The following PCDHGA10 variants were observed in gnomAD, a reference collection of about 807,000 sequenced individuals.
PCDHGA10 encodes the protein protocadherin gamma-A10.
Under a neutral mutation model 59.5 loss-of-function variants are expected in PCDHGA10, and 42 were observed. The ratio of observed to expected loss-of-function variants is 0.71; its 90% CI spans 0.55 to 0.91. PCDHGA10 has a LOEUF of 0.91. PCDHGA10 is among the 40% of genes least tolerant of loss of function. The pLI is 0.00. For synonymous variants in PCDHGA10, 511 were observed against 517.2 expected, an observed-to-expected ratio of 0.99 and a Z score of 0.16; for missense variants, 1,111 against 1,198.2, an observed-to-expected ratio of 0.93 and a Z score of 1.07.
Position 141,432,436 on chromosome 5 carries a change from G to A in PCDHGA10, c.2436+16825G>A, listed in dbSNP as rs753833603. On this transcript the variant is annotated intron_variant, in intron 1 of 3. Coordinates refer to ENST00000398610, the MANE Select transcript of PCDHGA10 (RefSeq NM_018913.3). The surrounding 1 kb of genome is among the most constrained non-coding windows in gnomAD (Gnocchi z 6.0). ...TCGTGCTGGACCAGAACGACAATGC[G>A]CCCGAGATCCTGTACCCCGCCCTCC... The A allele has an allele frequency of 4.3e-6, 7 of 1,614,196 alleles. No homozygotes were observed. The highest frequency in any genetic ancestry group is 1.1e-5 in the South Asian group (1 of 91,084).
chr5:141,420,525 C>T (rs895355117), intron 1 of PCDHGA10: 2 of 358,086 alleles, frequency 5.6e-6, no homozygotes, highest in South Asian at 2.1e-4. Flanking sequence ...AAATACCTTT[C>T]GGTTAAAAAT....
intron 1 of PCDHGA10, among the ~76,000 whole-genome samples, chr5:141,469,392 T>C (rs2099199760): frequency 6.6e-6 from 1 of 152,046 alleles, no homozygotes; most frequent in South Asian, 2.1e-4. Flanking sequence ...CTGGCCAACA[T>C]GGTGAAACCC....
chr5:141,442,818 C>A (rs553817796), intron 1 of PCDHGA10, among the ~76,000 whole-genome samples: 1 of 151,882 alleles, frequency 6.6e-6, no homozygotes, highest in Non-Finnish European at 1.5e-5. Context: ...TGTACTGATC[C>A]AAAAATAAGG....
Position 141,413,135 on chromosome 5 carries a change from T to TGTCC in PCDHGA10, c.-40_-37dup, listed in dbSNP as rs767378713. 6.5e-7 allele frequency: 1 copy of TGTCC among 1,545,632 alleles called. No individual in the cohort carries two copies. Among genetic ancestry groups the TGTCC allele is most frequent in the Non-Finnish European group, 8.7e-7 (1 of 1,146,334 alleles). On this transcript the variant is annotated 5_prime_UTR_variant, in exon 1 of 4. Coordinates refer to ENST00000398610, the MANE Select transcript of PCDHGA10 (RefSeq NM_018913.3). The stretch of plus-strand genomic sequence containing the variant: ...AAGGAACCGGTTGAAACACACAACG[T>TGTCC]GTCCAGTGAGGACTTTGCAGAATTC...
At chr5:141,448,654 A>G (rs966383140) in intron 1 of PCDHGA10, among the ~76,000 whole-genome samples, 1 of 152,048 alleles carries the variant, frequency 6.6e-6, no homozygotes, top group African/African-American at 2.4e-5. Context: ...AAATATTTCC[A>G]TATTGGCCGG....
chr5:141,460,075 C>T (rs2098981644), intron 1 of PCDHGA10, among the ~76,000 whole-genome samples: 2 of 151,896 alleles, frequency 1.3e-5, no homozygotes, highest in East Asian at 1.9e-4. Context: ...GAGACTTCAT[C>T]TAAAAAATAA....
At chr5:141,418,369 C>G (rs763319499) in intron 1 of PCDHGA10, 62 of 1,613,842 alleles carry the variant, frequency 3.8e-5, no homozygotes, top group Non-Finnish European at 4.8e-5. Context: ...TGAGCAAATA[C>G]CAACTAAGTC....
At chr5:141,419,747 C>T (rs1322393151) in intron 1 of PCDHGA10, 3 of 1,613,840 alleles carry the variant, frequency 1.9e-6, no homozygotes, top group Admixed American at 1.7e-5. Context: ...GCGCATGGTG[C>T]GTGCTTTGGG....
At position 141,423,686 on chromosome 5, in the gene PCDHGA10, A is replaced by T. The variant is rs752078243; in HGVS notation, c.2436+8075A>T. 10 of 1,328,296 alleles carry T rather than the reference A, an allele frequency of 7.5e-6. No homozygotes were observed. The East Asian group carries it at 3.6e-4, about 47-fold the overall frequency. The allele number at this position is 1,328,296 out of a possible 1,614,324, so 82.3% of individuals were successfully genotyped here. The stretch of plus-strand genomic sequence containing the variant: ...GTGAGATTTATTTCTCTGCCTCCTA[A>T]TTGTTGGTGTCTTGGCACAAGTCTT... On this transcript the variant is annotated intron_variant, in intron 1 of 3. Transcript: ENST00000398610.
Position 141,477,902 on chromosome 5 carries a change from T to A in PCDHGA10, c.2437-16905T>A. ...CCACCTAGTGTCACGGGTGGTAGGC[T>A]GGGACGCGGATGCAGGGCACAATGC... On this transcript the variant is annotated intron_variant, in intron 1 of 3. Transcript: ENST00000398610. The surrounding 1 kb of genome is among the most constrained non-coding windows in gnomAD (Gnocchi z 4.9). The A allele has an allele frequency of 6.2e-7, 1 of 1,614,176 alleles. No homozygotes were observed. Among genetic ancestry groups the A allele is most frequent in the Non-Finnish European group, 8.5e-7 (1 of 1,180,028 alleles).
At chr5:141,500,370 G>C (rs766183384) in intron 2 of PCDHGA10, among the ~76,000 whole-genome samples, 1 of 151,644 alleles carries the variant, frequency 6.6e-6, no homozygotes, top group Non-Finnish European at 1.5e-5. Flanking sequence ...TACCACGCCC[G>C]GCTAATTATT....
In PCDHGA10 at chr5:141,490,453, T is replaced by C; in HGVS notation, c.2437-4354T>C. 6.2e-7 allele frequency: 1 copy of C among 1,614,178 alleles called. No homozygotes were observed. Among genetic ancestry groups the C allele is most frequent in the Non-Finnish European group, 8.5e-7 (1 of 1,180,042 alleles). ...GATTAAGCCTTCTGAGAACCACTAC[T>C]CGCTGCTAACCAGCCAGCCTTTGGA... On this transcript the variant is annotated intron_variant, in intron 1 of 3. Coordinates refer to ENST00000398610, the MANE Select transcript of PCDHGA10 (RefSeq NM_018913.3). This position sits in a 1 kb window ranked among gnomAD's most constrained non-coding sequence, Gnocchi z 5.4.
Position 141,489,699 on chromosome 5 carries a change from A to G in PCDHGA10, c.2437-5108A>G. ...CAGCAGCATCTGGGGCACGATTCCC[A>G]CTGGACAGTGCCCAGGATCCGGATG... is the stretch of plus-strand genomic sequence containing the variant. On this transcript the variant is annotated intron_variant, in intron 1 of 3. Transcript: ENST00000398610. The surrounding 1 kb of genome is among the most constrained non-coding windows in gnomAD (Gnocchi z 4.5). The G allele has an allele frequency of 6.2e-7, 1 of 1,614,102 alleles. No homozygotes were observed. The highest frequency in any genetic ancestry group is 8.5e-7 in the Non-Finnish European group (1 of 1,179,956).
At chr5:141,451,060 C>T (rs1241509553) in intron 1 of PCDHGA10, among the ~76,000 whole-genome samples, 1 of 151,562 alleles carries the variant, frequency 6.6e-6, no homozygotes, top group African/African-American at 2.4e-5. Context: ...GAACTCCTGA[C>T]CTTGTGATCC....
rs1367772661 is a variant in PCDHGA10, at chr5:141,512,193, GGAAGCTC to G, written c.*1026_*1032del. 2.0e-5 allele frequency: 3 copies of G among 152,756 alleles called. No homozygotes were observed. Among genetic ancestry groups the G allele is most frequent in the Non-Finnish European group, 4.4e-5 (3 of 68,136 alleles). 9.5% of individuals were successfully genotyped at this position (152,756 alleles called of 1,614,324 possible). ...GGATTAAACTGGCATTTCAGTCCAAGGAAGCTCGAAGCAGGTTTAGGACCAGGTCCCC... is the reference window on the plus strand; with the variant it reads ...GGATTAAACTGGCATTTCAGTCCAAGGAAGCAGGTTTAGGACCAGGTCCCC... On this transcript the variant is annotated 3_prime_UTR_variant, in exon 4 of 4. Coordinates refer to ENST00000398610, the MANE Select transcript of PCDHGA10 (RefSeq NM_018913.3).
At chr5:141,460,908 T>C (rs550367008) in intron 1 of PCDHGA10, among the ~76,000 whole-genome samples, 2,136 of 133,318 alleles carry the variant, frequency 0.016, 43 homozygotes, top group African/African-American at 0.062. Flanking sequence ...TAATATTCCA[T>C]GGTGTATATA....
At chr5:141,418,530 G>T in intron 1 of PCDHGA10, 6 of 1,613,952 alleles carry the variant, frequency 3.7e-6, no homozygotes, top group Non-Finnish European at 5.1e-6. Flanking sequence ...CCCCGAAGCG[G>T]TACTGCTCAG....
chr5:141,419,206 G>T, intron 1 of PCDHGA10: 1 of 1,613,876 alleles, frequency 6.2e-7, no homozygotes, highest in Non-Finnish European at 8.5e-7. Flanking sequence ...ATGACAACGC[G>T]CCGGTTTTCG....
chr5:141,432,094 C>G lies in PCDHGA10; in HGVS notation c.2436+16483C>G. On this transcript the variant is annotated intron_variant, in intron 1 of 3. Transcript: ENST00000398610. This position sits in a 1 kb window ranked among gnomAD's most constrained non-coding sequence, Gnocchi z 6.0. ...ATATCTCGCTGAACGTGGCAGACAC[C>G]AACGACAACCCGCCGGTCTTCCCTC... The G allele has an allele frequency of 6.2e-7, 1 of 1,614,178 alleles. No homozygotes were observed. The highest frequency in any genetic ancestry group is 8.5e-7 in the Non-Finnish European group (1 of 1,180,046).
Sources: gnomAD v4.1 joint callset for allele counts (sites outside exome capture counted in the v4.1 genomes callset) on GRCh38, gnomAD v4.1.1 for gene constraint, Gnocchi (gnomAD v3.1) non-coding constraint, MANE v1.5 for transcripts, NCBI Gene and HGNC (gene_info 2026-07-23, HGNC 2026-07-21) for gene names.